The following PNPLA7 variants were observed in gnomAD, a reference collection of about 807,000 sequenced individuals.
PNPLA7 encodes the protein patatin like domain 7, lysophospholipase, also known as patatin-like phospholipase domain-containing protein 7.
A neutral mutation model predicts 161.7 loss-of-function variants in PNPLA7; 153 were observed. That is an observed-to-expected ratio of 0.95 (90% CI 0.83 to 1.08). The LOEUF is 1.08. Among genes scored for constraint, PNPLA7 ranks in the 50% least tolerant of loss-of-function variants. The probability of loss-of-function intolerance (pLI) is 0.00; values close to 1 mark genes in which losing one functional copy is unlikely to be tolerated. For missense variants in PNPLA7, 1,739 were observed against 1,856.6 expected, an observed-to-expected ratio of 0.94 and a Z score of 1.16; for synonymous variants, 809 against 782.1, an observed-to-expected ratio of 1.03 and a Z score of -0.57.
At chr9:137,544,994 G>A (rs949916628) in intron 4 of PNPLA7, among the ~76,000 whole-genome samples, 2 of 152,044 alleles carry the variant, frequency 1.3e-5, no homozygotes, top group Non-Finnish European at 2.9e-5. Context: ...TGTACAACCA[G>A]AAAAAGGTAA....
intron 4 of PNPLA7, among the ~76,000 whole-genome samples, chr9:137,545,730 A>G (rs1836472568): frequency 6.6e-6 from 1 of 152,210 alleles, no homozygotes; most frequent in Admixed American, 6.5e-5. Flanking sequence ...CAGAGATAGG[A>G]GCTGAGGGGA....
rs555932043 is a variant in PNPLA7, at chr9:137,493,585, C to A, written c.2128-503G>T. On this transcript the variant is annotated intron_variant, in intron 19 of 34. Coordinates refer to ENST00000406427, the MANE Select transcript of PNPLA7 (RefSeq NM_001098537.3). ...CCAGGGGTTGCTGGCTTGCAGGGAC[C>A]CTGCCCAGGGGCTGACTGTACAGCA... Among the ~76,000 whole-genome samples the A allele has an allele frequency of 3.6e-4, 55 of 152,366 alleles. No individual in the cohort carries two copies. In the East Asian group the frequency reaches 9.8e-3, roughly 27 times the overall value.
chr9:137,545,289 A>C (rs1371833542), intron 4 of PNPLA7, among the ~76,000 whole-genome samples: 1 of 152,172 alleles, frequency 6.6e-6, no homozygotes, highest in Non-Finnish European at 1.5e-5. Context: ...TAGAGCACAC[A>C]TGCCGGTAAC....
intron 29 of PNPLA7, 104 bp from the exon 30 acceptor site, chr9:137,462,937 T>C: frequency 1.4e-6 from 2 of 1,472,206 alleles, no homozygotes; most frequent in South Asian, 1.3e-5. Flanking sequence ...TTGTGGGGTC[T>C]CCTCTCCGCC....
chr9:137,515,082 G>C (rs530666372), intron 12 of PNPLA7, among the ~76,000 whole-genome samples: 5 of 152,282 alleles, frequency 3.3e-5, no homozygotes, highest in African/African-American at 1.2e-4. Context: ...AGGGCGGGAA[G>C]GGCCGAGCAC....
chr9:137,501,707 G>A lies in PNPLA7; in HGVS notation c.1494C>T (p.Gly498=). The stretch of plus-strand genomic sequence containing the variant: ...CAGGAACGTGCAGAAGCGCCACCCG[G>A]CCATCCAACAGAGATGAGTCCTAAA... ...MKLEDSSLLD[G]RVALLHVPAG... is the part of the protein sequence containing the mutation. The change falls in exon 15 of 35, where the codon GGC becomes GGT. Residue 498 remains glycine (G), a synonymous_variant. Coordinates refer to ENST00000406427, the MANE Select transcript of PNPLA7 (RefSeq NM_001098537.3). The A allele has an allele frequency of 1.2e-6, 2 of 1,612,586 alleles. No individual in the cohort carries two copies. The highest frequency in any genetic ancestry group is 1.7e-6 in the Non-Finnish European group (2 of 1,179,864).
chr9:137,518,384 C>T (rs111216747), intron 11 of PNPLA7, among the ~76,000 whole-genome samples: 3,003 of 77,626 alleles, frequency 0.039, 159 homozygotes, highest in East Asian at 0.07. Flanking sequence ...TCTGTCCACT[C>T]CATCCCTCAC....
At position 137,500,471 on chromosome 9, in the gene PNPLA7, G is replaced by C. The variant is rs959265259; in HGVS notation, c.1757+220C>G. On this transcript the variant is annotated intron_variant, in intron 16 of 34. Coordinates refer to ENST00000406427, the MANE Select transcript of PNPLA7 (RefSeq NM_001098537.3). The surrounding 1 kb of genome is among the most constrained non-coding windows in gnomAD (Gnocchi z 5.5). Reference sequence around the variant, plus strand: ...ACAGCTGGGACCAGACCACAGAGACGGCCGTGCGAAGCTGATCGCTGCGGG... The same window carrying C: ...ACAGCTGGGACCAGACCACAGAGACCGCCGTGCGAAGCTGATCGCTGCGGG... 2.6e-5 allele frequency among the ~76,000 whole-genome samples: 4 copies of C among 152,210 alleles called. No individual in the cohort carries two copies. The highest frequency in any genetic ancestry group is 2.6e-4 in the Admixed American group (4 of 15,276).
intron 20 of PNPLA7, among the ~76,000 whole-genome samples, chr9:137,487,059 A>G (rs1220412363): frequency 6.8e-6 from 1 of 147,278 alleles, no homozygotes; most frequent in African/African-American, 2.5e-5. Flanking sequence ...GCTCTAGGAG[A>G]AGGTTCTTTC....
intron 19 of PNPLA7, 78 bp downstream of exon 19, chr9:137,494,955 C>T: frequency 7.4e-7 from 1 of 1,350,246 alleles, no homozygotes; most frequent in Non-Finnish European, 1.0e-6. Flanking sequence ...CCCTCACCCG[C>T]TCCGCCCTCA....
chr9:137,534,263 G>A (rs1396789504), intron 8 of PNPLA7, among the ~76,000 whole-genome samples: 1 of 144,786 alleles, frequency 6.9e-6, no homozygotes, highest in Non-Finnish European at 1.5e-5. Flanking sequence ...AGCACTCCCA[G>A]GCTCCTCAGT....
chr9:137,497,322 A>G lies in PNPLA7; in HGVS notation c.1890-12T>C. 6.5e-7 allele frequency: 1 copy of G among 1,544,370 alleles called. No homozygotes were observed. Among genetic ancestry groups the G allele is most frequent in the Non-Finnish European group, 8.7e-7 (1 of 1,143,548 alleles). ...ACTTGTCCCCCTGCCTGCGGAAGAC[A>G]CAGAGGCCCTGCAGCCCTGGGCCCC... On this transcript the variant is annotated splice_polypyrimidine_tract_variant and intron_variant, in intron 17 of 34. Coordinates refer to ENST00000406427, the MANE Select transcript of PNPLA7 (RefSeq NM_001098537.3).
chr9:137,498,319 G>C (rs1833181457), intron 16 of PNPLA7, 74 bp from the exon 17 acceptor site: 2 of 1,574,594 alleles, frequency 1.3e-6, no homozygotes, highest in African/African-American at 2.7e-5. Flanking sequence ...CAGTGCTCGG[G>C]AATGGATGGG....
rs528032535 is a variant in PNPLA7 at position 137,524,430 on chromosome 9, G to A, written c.748-1573C>T. On this transcript the variant is annotated intron_variant, in intron 8 of 34. Coordinates refer to ENST00000406427, the MANE Select transcript of PNPLA7 (RefSeq NM_001098537.3). This position sits in a 1 kb window ranked among gnomAD's most constrained non-coding sequence, Gnocchi z 4.4. ...CATGGAGGCCTTGCAGTGTCTCCTC[G>A]TGAAGGCCTCGCAGGGTCTCCGTCC... Among the ~76,000 whole-genome samples, 43 of 152,210 alleles carry A rather than the reference G, an allele frequency of 2.8e-4. No homozygotes were observed. The highest frequency in any genetic ancestry group is 3.4e-3 in the Middle Eastern group (1 of 294).
intron 20 of PNPLA7, among the ~76,000 whole-genome samples, chr9:137,485,166 G>A (rs1234955635): frequency 6.6e-6 from 1 of 152,274 alleles, no homozygotes. Context: ...GCCCCACACA[G>A]CAGGTCTGAC....
chr9:137,479,045 C>T lies in PNPLA7; in HGVS notation c.2763+11G>A. ...GAGCCACGGGCAGGCAGCCTCCTCT[C>T]CCCGCCTCACCAGCTTGGGCAGGCT... On this transcript the variant is annotated intron_variant, in intron 24 of 34. Transcript: ENST00000406427. The T allele has an allele frequency of 5.1e-6, 8 of 1,560,802 alleles. No homozygotes were observed. Among genetic ancestry groups the T allele is most frequent in the Non-Finnish European group, 7.0e-6 (8 of 1,148,946 alleles).
intron 11 of PNPLA7, among the ~76,000 whole-genome samples, chr9:137,518,202 A>C (rs1588663575): frequency 1.3e-5 from 1 of 78,008 alleles, no homozygotes; most frequent in Non-Finnish European, 2.4e-5. Flanking sequence ...CACTCACTCC[A>C]CTCTGCTCAC....
At chr9:137,489,283 C>A (rs1448029576) in intron 20 of PNPLA7, among the ~76,000 whole-genome samples, 2 of 152,252 alleles carry the variant, frequency 1.3e-5, no homozygotes, top group African/African-American at 4.8e-5. Context: ...ACCTAGTAGG[C>A]AGACCAGGGT....
Position 137,480,422 on chromosome 9 carries a change from C to T in PNPLA7, c.2470G>A (p.Val824Met), listed in dbSNP as rs1179981449. The change falls in exon 23 of 35, where the codon GTG becomes ATG. Residue 824 changes from valine to methionine, a missense_variant. By Grantham distance (21) the Val-to-Met change is conservative. Around this residue, in one of 6 missense-constraint regions of PNPLA7, gnomAD observed 192 missense variants for 249.5 expected, o/e 0.77. Coordinates refer to ENST00000406427, the MANE Select transcript of PNPLA7 (RefSeq NM_001098537.3). ...AGCGTGCCATCTGCCTGGTAGAGCA[C>T]GATCCTGTGGGTGTCCTCCTGCTGC... The part of the protein sequence containing the change: ...LGQQEDTHRI[V>M]LYQADGTLTP... The T allele has an allele frequency of 3.7e-6, 6 of 1,613,234 alleles. No homozygotes were observed. Among genetic ancestry groups the T allele is most frequent in the Admixed American group, 1.7e-5 (1 of 59,978 alleles).
Sources: gnomAD v4.1 joint callset for allele counts (sites outside exome capture counted in the v4.1 genomes callset) on GRCh38, gnomAD v4.1.1 for gene constraint, gnomAD v4.1.1 regional missense constraint, Gnocchi (gnomAD v3.1) non-coding constraint, MANE v1.5 for transcripts, NCBI Gene and HGNC (gene_info 2026-07-23, HGNC 2026-07-21) for gene names.